Variants in BCL2L13 observed in about 807,000 individuals in gnomAD.
BCL2L13 encodes the protein BCL2 like 13.
A neutral mutation model predicts 25.8 loss-of-function variants in BCL2L13; 13 were observed. That is an observed-to-expected ratio of 0.50 (90% CI 0.33 to 0.80). BCL2L13 has a LOEUF of 0.80. BCL2L13 is among the 30% of genes least tolerant of loss of function. The pLI is 0.02. For synonymous variants in BCL2L13, 244 were observed against 230.3 expected, an observed-to-expected ratio of 1.06 and a Z score of -0.54; for missense variants, 504 against 574.9, an observed-to-expected ratio of 0.88 and a Z score of 1.26.
chr22:17,706,881 G>A (rs1190513005), intron 6 of BCL2L13: 12 of 1,300,510 alleles, frequency 9.2e-6, no homozygotes, highest in Non-Finnish European at 1.2e-5. Context: ...TCTTGTGAAA[G>A]ATTTACTTTT....
At chr22:17,672,424 A>G (rs2059445105) in intron 2 of BCL2L13, among the ~76,000 whole-genome samples, 1 of 152,214 alleles carries the variant, frequency 6.6e-6, no homozygotes, top group Non-Finnish European at 1.5e-5. Context: ...GCTGGAATAT[A>G]ATGATTACTG....
rs1021227250 is a variant in BCL2L13 at position 17,661,221 on chromosome 22, T to C, written c.121+5389T>C. 2.1e-5 allele frequency among the ~76,000 whole-genome samples: 3 copies of C among 145,394 alleles called. 1 individual carries two copies. The highest frequency in any genetic ancestry group is 4.7e-5 in the Non-Finnish European group (3 of 63,878). ...AATTCTCCTGCCTCAGCCTCCCAAG[T>C]AGCTGGGATTACAGGCGCCCGCCAC... On this transcript the variant is annotated intron_variant, in intron 2 of 6. Coordinates refer to ENST00000317582, the MANE Select transcript of BCL2L13 (RefSeq NM_015367.4).
chr22:17,695,923 A>G (rs1002651536), intron 4 of BCL2L13: 162 of 466,894 alleles, frequency 3.5e-4, no homozygotes, highest in Non-Finnish European at 4.2e-4. Flanking sequence ...TTATCTTGCT[A>G]TGTTATTAAC....
At chr22:17,637,000 C>T (rs995102031), upstream of BCL2L13, among the ~76,000 whole-genome samples, 4 of 151,546 alleles carry the variant, frequency 2.6e-5, no homozygotes, top group Non-Finnish European at 4.4e-5. Flanking sequence ...GGGCCGGGCG[C>T]GGTGGCGCAC....
chr22:17,722,700 G>A (rs2061180138), intron 6 of BCL2L13, among the ~76,000 whole-genome samples: 1 of 152,056 alleles, frequency 6.6e-6, no homozygotes, highest in African/African-American at 2.4e-5. Context: ...ATAGATTTTA[G>A]AATTAATTAG....
chr22:17,705,398 C>T (rs1350721169), intron 6 of BCL2L13, among the ~76,000 whole-genome samples: 1 of 151,218 alleles, frequency 6.6e-6, no homozygotes, highest in Non-Finnish European at 1.5e-5. Flanking sequence ...CCCAGGTTCA[C>T]GCCATTCTCC....
At chr22:17,687,820 T>C (rs1025594577) in intron 3 of BCL2L13, among the ~76,000 whole-genome samples, 159 of 136,418 alleles carry the variant, frequency 1.2e-3, no homozygotes, top group African/African-American at 4.1e-3. Flanking sequence ...CCCGGCCCCT[T>C]TTTTTTTTTT....
At chr22:17,639,164 T>G (rs1465103856) in intron 1 of BCL2L13, among the ~76,000 whole-genome samples, 1 of 152,202 alleles carries the variant, frequency 6.6e-6, no homozygotes, top group Non-Finnish European at 1.5e-5. Flanking sequence ...CGGCCCTGGC[T>G]CCACGCCGCT....
intron 2 of BCL2L13, among the ~76,000 whole-genome samples, chr22:17,676,007 A>G (rs2059565010): frequency 6.6e-6 from 1 of 152,224 alleles, no homozygotes; most frequent in Non-Finnish European, 1.5e-5. Context: ...AAAATCTGTG[A>G]TGAGCTAATT....
chr22:17,710,430 A>T (rs1358099699), intron 6 of BCL2L13, among the ~76,000 whole-genome samples: 1 of 151,592 alleles, frequency 6.6e-6, no homozygotes. Flanking sequence ...AAAAAAAAAA[A>T]TTCTCCGGGC....
chr22:17,695,384 C>T (rs2060234467), intron 4 of BCL2L13, among the ~76,000 whole-genome samples: 1 of 152,122 alleles, frequency 6.6e-6, no homozygotes, highest in Non-Finnish European at 1.5e-5. Context: ...TTCAGTGGTG[C>T]GATCTCGGCT....
chr22:17,663,651 A>G (rs147517261), intron 2 of BCL2L13, among the ~76,000 whole-genome samples: 282 of 123,846 alleles, frequency 2.3e-3, no homozygotes, highest in African/African-American at 7.5e-3. Context: ...TGTTTGAATG[A>G]TTTCCTTTTA....
At chr22:17,710,258 G>A (rs1177319525) in intron 6 of BCL2L13, among the ~76,000 whole-genome samples, 2 of 151,720 alleles carry the variant, frequency 1.3e-5, no homozygotes, top group African/African-American at 4.8e-5. Context: ...GTAAGGTAGG[G>A]AGGCCATGAC....
At chr22:17,637,943 C>T (rs1483657855), upstream of BCL2L13, among the ~76,000 whole-genome samples, 2 of 152,114 alleles carry the variant, frequency 1.3e-5, no homozygotes, top group African/African-American at 4.8e-5. Flanking sequence ...CAAAAAGAAA[C>T]TCTGTATCCA....
chr22:17,691,980 C>G (rs1038194971), intron 4 of BCL2L13, among the ~76,000 whole-genome samples: 2 of 152,078 alleles, frequency 1.3e-5, no homozygotes, highest in African/African-American at 4.8e-5. Flanking sequence ...TTTCAGAAAT[C>G]TGTTTTTAGA....
intron 1 of BCL2L13, among the ~76,000 whole-genome samples, chr22:17,650,466 G>T (rs2058646465): frequency 2.0e-5 from 3 of 151,848 alleles, no homozygotes. Context: ...AATTTCTGTG[G>T]CTCCTATTCT....
At chr22:17,710,345 C>T (rs1159183590) in intron 6 of BCL2L13, among the ~76,000 whole-genome samples, 1 of 152,080 alleles carries the variant, frequency 6.6e-6, no homozygotes, top group Non-Finnish European at 1.5e-5. Flanking sequence ...CTTCGGGAGG[C>T]CGAGGCAGGC....
rs200277829 is a variant in BCL2L13 at position 17,702,400 on chromosome 22, T to A, written c.600+14T>A. The A allele has an allele frequency of 3.5e-5, 54 of 1,533,760 alleles. 1 individual carries two copies. In the Admixed American group the frequency reaches 7.4e-4, roughly 21 times the overall value. On this transcript the variant is annotated intron_variant, in intron 6 of 6. Coordinates refer to ENST00000317582, the MANE Select transcript of BCL2L13 (RefSeq NM_015367.4). ...CAAGGTGGCTGGGTATGAGCTGTTA[T>A]ATATTAAAAATATTTTCTTGAAAAA...
upstream of BCL2L13, among the ~76,000 whole-genome samples, chr22:17,637,156 C>T (rs1252490243): frequency 6.6e-6 from 1 of 151,972 alleles, no homozygotes; most frequent in African/African-American, 2.4e-5. Context: ...TCTGTAATCC[C>T]AGCACTTTGG....
Sources: allele counts gnomAD v4.1 joint callset (sites outside exome capture counted in the v4.1 genomes callset), GRCh38; gene constraint gnomAD v4.1.1; transcripts MANE v1.5; gene names NCBI Gene and HGNC (gene_info 2026-07-23, HGNC 2026-07-21).